The following SYT1 variants were observed in gnomAD, a reference collection of about 807,000 sequenced individuals.
The protein encoded by SYT1 is synaptotagmin 1.
SYT1 carries 8 observed loss-of-function variants against 44.8 expected under a neutral mutation model. The ratio of observed to expected loss-of-function variants is 0.18; its 90% confidence interval spans 0.10 to 0.32. The LOEUF is 0.32. Among genes scored for constraint, SYT1 ranks in the 10% least tolerant of loss-of-function variants. The pLI, the probability that SYT1 is intolerant of heterozygous loss-of-function variation, is 1.00. For missense variants in SYT1, 286 were observed against 509.3 expected (o/e 0.56, Z 4.22); for synonymous variants, 154 against 188.8 (o/e 0.82, Z 1.51).
intron 8 of SYT1, among the ~76,000 whole-genome samples, chr12:79,335,004 C>T (rs1882023027): frequency 6.6e-6 from 1 of 152,172 alleles, no homozygotes; most frequent in South Asian, 2.1e-4. Context: ...TCCCACAATT[C>T]ATTCCCCCAC....
intron 3 of SYT1, among the ~76,000 whole-genome samples, chr12:79,117,664 T>C (rs1424972568): frequency 1.6e-4 from 1 of 6,426 alleles, no homozygotes. Flanking sequence ...TATTACATCA[T>C]ATATATATAT....
intron 3 of SYT1, among the ~76,000 whole-genome samples, chr12:79,128,635 A>G (rs938723750): frequency 6.6e-6 from 1 of 152,246 alleles, no homozygotes; most frequent in Non-Finnish European, 1.5e-5. Flanking sequence ...TGCCCCTGCA[A>G]AATTTGATAA....
chr12:79,000,407 C>T (rs1366776761), intron 2 of SYT1, among the ~76,000 whole-genome samples: 1 of 151,236 alleles, frequency 6.6e-6, no homozygotes, highest in Non-Finnish European at 1.5e-5. Context: ...GATTCTCCTG[C>T]CTCAGCCTCC....
intron 4 of SYT1, among the ~76,000 whole-genome samples, chr12:79,271,149 C>T (rs1402695156): frequency 6.6e-6 from 1 of 152,048 alleles, no homozygotes; most frequent in Non-Finnish European, 1.5e-5. Context: ...TCTGCAACAC[C>T]CTTGCTCTTG....
intron 1 of SYT1, among the ~76,000 whole-genome samples, chr12:78,882,898 C>T (rs542625793): frequency 4.1e-4 from 62 of 150,940 alleles, no homozygotes; most frequent in African/African-American, 1.5e-3. Context: ...TGCTTCTTTT[C>T]TTTGTAATGG....
intron 1 of SYT1, among the ~76,000 whole-genome samples, chr12:78,922,381 C>T (rs963826492): frequency 6.6e-6 from 1 of 151,660 alleles, no homozygotes; most frequent in Non-Finnish European, 1.5e-5. Flanking sequence ...GTTGATTATT[C>T]AACTTTGGGC....
intron 9 of SYT1, among the ~76,000 whole-genome samples, chr12:79,389,668 T>C (rs1303969262): frequency 6.6e-6 from 1 of 152,218 alleles, no homozygotes; most frequent in Non-Finnish European, 1.5e-5. Context: ...AGTACATTTA[T>C]ATTCAGGTTT....
At chr12:79,350,406 C>T (rs1052107097) in intron 8 of SYT1, among the ~76,000 whole-genome samples, 2 of 152,042 alleles carry the variant, frequency 1.3e-5, no homozygotes, top group African/African-American at 2.4e-5. Context: ...GCGCCCGCCA[C>T]CATGCCCGGC....
chr12:79,358,621 G>T (rs911045566), intron 9 of SYT1, among the ~76,000 whole-genome samples: 1 of 152,136 alleles, frequency 6.6e-6, no homozygotes, highest in Non-Finnish European at 1.5e-5. Context: ...TGATTTGAGG[G>T]TAGGACTGAA....
intron 4 of SYT1, among the ~76,000 whole-genome samples, chr12:79,232,735 T>A (rs1875941151): frequency 6.6e-6 from 1 of 152,208 alleles, no homozygotes; most frequent in Admixed American, 6.5e-5. Flanking sequence ...CATCTTTGTG[T>A]CTCCAGTTCC....
chr12:79,329,405 G>A (rs1053668610), intron 8 of SYT1, among the ~76,000 whole-genome samples: 3 of 152,174 alleles, frequency 2.0e-5, no homozygotes, highest in Non-Finnish European at 4.4e-5. Flanking sequence ...AAATATAAGT[G>A]TCTGCTATGT....
chr12:79,065,854 G>T (rs939583279), intron 3 of SYT1, among the ~76,000 whole-genome samples: 1 of 151,962 alleles, frequency 6.6e-6, no homozygotes, highest in Non-Finnish European at 1.5e-5. Flanking sequence ...CTATCTTATA[G>T]CTTAATTGGT....
intron 8 of SYT1, among the ~76,000 whole-genome samples, chr12:79,306,977 CA>C (rs1880427665): frequency 6.6e-6 from 1 of 152,220 alleles, no homozygotes; most frequent in Non-Finnish European, 1.5e-5. Context: ...CTGTCTTCCA[CA>C]GATTTAAACC....
At chr12:78,871,544 A>T (rs1338548754) in intron 1 of SYT1, among the ~76,000 whole-genome samples, 2 of 151,956 alleles carry the variant, frequency 1.3e-5, no homozygotes, top group Non-Finnish European at 2.9e-5. Flanking sequence ...TGAGGGAAAA[A>T]AAACTTTTCT....
chr12:79,091,739 C>CA (rs1369548639), intron 3 of SYT1, among the ~76,000 whole-genome samples: 1 of 151,780 alleles, frequency 6.6e-6, no homozygotes, highest in Non-Finnish European at 1.5e-5. Context: ...AATAAAATCT[C>CA]AAAAAAATGA....
chr12:79,234,944 C>T (rs1174560859), intron 4 of SYT1, among the ~76,000 whole-genome samples: 5 of 152,192 alleles, frequency 3.3e-5, no homozygotes, highest in East Asian at 3.9e-4. Context: ...CTCTTGGCTT[C>T]GTGATCCACC....
intron 3 of SYT1, among the ~76,000 whole-genome samples, chr12:79,076,214 C>G (rs781607775): frequency 2.0e-5 from 3 of 152,020 alleles, no homozygotes; most frequent in Non-Finnish European, 2.9e-5. Context: ...TCCTCTGTGT[C>G]CCTGTTCCTT....
chr12:79,181,774 C>G (rs1254177428), intron 3 of SYT1, among the ~76,000 whole-genome samples: 1 of 152,076 alleles, frequency 6.6e-6, no homozygotes, highest in South Asian at 2.1e-4. Flanking sequence ...CTAATCCCTT[C>G]TCTTTCAGTT....
chr12:79,316,913 C>T (rs968474419), intron 8 of SYT1, among the ~76,000 whole-genome samples: 1 of 152,140 alleles, frequency 6.6e-6, no homozygotes, highest in Non-Finnish European at 1.5e-5. Context: ...GCATAGAACT[C>T]GGAGTCCAAG....
Sources: allele counts gnomAD v4.1 joint callset (sites outside exome capture counted in the v4.1 genomes callset), GRCh38; gene constraint gnomAD v4.1.1; transcripts MANE v1.5; gene names NCBI Gene and HGNC (gene_info 2026-07-23, HGNC 2026-07-21).